PHACTR2: variants seen among roughly 807,000 people sequenced by gnomAD.
PHACTR2 encodes phosphatase and actin regulator 2.
In PHACTR2, 30 loss-of-function variants were observed where a neutral mutation model predicts 76.0. The ratio of observed to expected loss-of-function variants is 0.39; its 90% CI spans 0.30 to 0.54. The LOEUF is 0.54. PHACTR2 is among the 20% of genes least tolerant of loss of function. PHACTR2 has a pLI of 0.61. For synonymous variants in PHACTR2, 292 were observed against 292.5 expected (o/e 1.00, Z 0.02); for missense variants, 696 against 781.1 (o/e 0.89, Z 1.30).
chr6:143,807,967 G>A lies in PHACTR2; in HGVS notation c.1922+834G>A, dbSNP rs562536975. ...AACAGCAAACTTCCCTGAAATTGAT[G>A]GGGGAGGAGTGAGGTTTGTTATCAT... On this transcript the variant is annotated intron_variant, in intron 12 of 12. Coordinates refer to ENST00000440869, the MANE Select transcript of PHACTR2 (RefSeq NM_001100164.2). This position sits in a 1 kb window ranked among gnomAD's most constrained non-coding sequence, Gnocchi z 5.5. Among the ~76,000 whole-genome samples the A allele has an allele frequency of 1.3e-5, 2 of 152,178 alleles. No individual in the cohort carries two copies. The highest frequency in any genetic ancestry group is 2.1e-4 in the South Asian group (1 of 4,822).
At chr6:143,559,690 C>CTTTTTTT (rs5880566) in intron 1 of PHACTR2, among the ~76,000 whole-genome samples, 4 of 31,906 alleles carry the variant, frequency 1.3e-4, no homozygotes, top group African/African-American at 2.5e-4. Context: ...TTTTTCTTTT[C>CTTTTTTT]TTTTTTTTTT....
chr6:143,672,285 TAC>T lies in PHACTR2; in HGVS notation c.14-39729_14-39728del, dbSNP rs35364435. On this transcript the variant is annotated intron_variant, in intron 1 of 11. Coordinates refer to the PHACTR2 transcript ENST00000305766. The surrounding 1 kb of genome is among the most constrained non-coding windows in gnomAD (Gnocchi z 5.8). ...GGGCAATATAGTGAGACCCTATCTCTACAAAAAAAAAAAAAATTACAAATAAT... is the reference window on the plus strand; with the variant it reads ...GGGCAATATAGTGAGACCCTATCTCTAAAAAAAAAAAAAATTACAAATAAT... Among the ~76,000 whole-genome samples the T allele has an allele frequency of 0.027, 3,920 of 145,340 alleles. 163 individuals are homozygous for T. The highest frequency in any genetic ancestry group is 0.096 in the African/African-American group (3,656 of 38,248).
Position 143,782,925 on chromosome 6 carries a change from GT to G in PHACTR2, c.1646-287del, listed in dbSNP as rs958480619. 5.3e-5 allele frequency among the ~76,000 whole-genome samples: 8 copies of G among 151,360 alleles called. No individual in the cohort carries two copies. Among genetic ancestry groups the G allele is most frequent in the African/African-American group, 1.9e-4 (8 of 41,122 alleles). On this transcript the variant is annotated intron_variant, in intron 9 of 12. Coordinates refer to ENST00000440869, the MANE Select transcript of PHACTR2 (RefSeq NM_001100164.2). The surrounding 1 kb of genome is among the most constrained non-coding windows in gnomAD (Gnocchi z 4.6). ...TCATTAGAATATGGGCACTCCTGTGGTTTTTTTAAGAATACAACAAGACATC... is the reference window on the plus strand; with the variant it reads ...TCATTAGAATATGGGCACTCCTGTGGTTTTTTAAGAATACAACAAGACATC...
At chr6:143,786,781 C>G (rs377067579) in intron 10 of PHACTR2, among the ~76,000 whole-genome samples, 16 of 152,262 alleles carry the variant, frequency 1.1e-4, no homozygotes, top group Non-Finnish European at 1.8e-4. Flanking sequence ...TTCACTATCA[C>G]GAGAATAGCA....
chr6:143,584,980 TA>T (rs34747367), intron 1 of PHACTR2, among the ~76,000 whole-genome samples: 49,428 of 138,362 alleles, frequency 0.36, 8,485 homozygotes, highest in South Asian at 0.53. Context: ...CTACCCAGAT[TA>T]AAAAAAAAAA....
At chr6:143,637,526 A>C (rs900004461) in intron 1 of PHACTR2, among the ~76,000 whole-genome samples, 5 of 152,260 alleles carry the variant, frequency 3.3e-5, no homozygotes, top group Non-Finnish European at 7.3e-5. Context: ...TCACAAATTT[A>C]GCAGCTTAAC....
In PHACTR2 at chr6:143,625,082, G is replaced by A. The variant is rs143651440; in HGVS notation, c.13+16760G>A. On this transcript the variant is annotated intron_variant, in intron 1 of 11. Transcript: ENST00000305766. This position sits in a 1 kb window ranked among gnomAD's most constrained non-coding sequence, Gnocchi z 4.3. ...GAGGCAGGAGAATTGCTTGAACCCG[G>A]GAGATGGAGGTTGCAGTAAGCCAAG... Among the ~76,000 whole-genome samples the A allele has an allele frequency of 6.9e-4, 105 of 152,038 alleles. No homozygotes were observed. The Middle Eastern group carries it at 0.017, about 25-fold the overall frequency.
chr6:143,683,949 T>C lies in PHACTR2; in HGVS notation c.46+5740T>C, dbSNP rs1777456495. On this transcript the variant is annotated intron_variant, in intron 1 of 12. Coordinates refer to ENST00000440869, the MANE Select transcript of PHACTR2 (RefSeq NM_001100164.2). The surrounding 1 kb of genome is among the most constrained non-coding windows in gnomAD (Gnocchi z 4.1). ...ATACTATACTTACTGCTCTATACTTTGAATTTTTCGTGTAATATAACTTGA... is the reference window on the plus strand; with the variant it reads ...ATACTATACTTACTGCTCTATACTTCGAATTTTTCGTGTAATATAACTTGA... 6.6e-6 allele frequency among the ~76,000 whole-genome samples: 1 copy of C among 152,254 alleles called. No individual in the cohort carries two copies. The highest frequency in any genetic ancestry group is 6.5e-5 in the Admixed American group (1 of 15,288).
intron 11 of PHACTR2, among the ~76,000 whole-genome samples, chr6:143,799,895 G>A (rs1213149099): frequency 6.6e-6 from 1 of 152,134 alleles, no homozygotes; most frequent in Non-Finnish European, 1.5e-5. Flanking sequence ...TGTCTATTAG[G>A]TCCACTTGGT....
Position 143,697,970 on chromosome 6 carries a change from TAAC to T in PHACTR2, c.47-14037_47-14035del, listed in dbSNP as rs201918304. On this transcript the variant is annotated intron_variant, in intron 1 of 12. Transcript: ENST00000440869. The surrounding 1 kb of genome is among the most constrained non-coding windows in gnomAD (Gnocchi z 4.4). The stretch of plus-strand genomic sequence containing the variant: ...TCTTTTTTTTAACCTACTCACTTAA[TAAC>T]AACAACAATTAAAAATCATTTTTAT... 8.5e-3 allele frequency among the ~76,000 whole-genome samples: 1,297 copies of T among 152,298 alleles called. 20 individuals carry two copies. The highest frequency in any genetic ancestry group is 0.029 in the African/African-American group (1,212 of 41,536).
chr6:143,551,460 T>C (rs9496665), intron 1 of PHACTR2, among the ~76,000 whole-genome samples: 3,241 of 152,312 alleles, frequency 0.021, 123 homozygotes, highest in African/African-American at 0.074. Flanking sequence ...AGTTTTACAA[T>C]TGTGAAGCAT....
In PHACTR2 at chr6:143,776,051, C is replaced by T. The variant is rs761674745; in HGVS notation, c.1590-1277C>T. Among the ~76,000 whole-genome samples, 1 of 152,012 alleles carries T rather than the reference C, an allele frequency of 6.6e-6. No individual in the cohort carries two copies. Among genetic ancestry groups the T allele is most frequent in the Non-Finnish European group, 1.5e-5 (1 of 68,000 alleles). ...GAGGCTGAGGCAGTAATTTTGGAGG[C>T]AGAGGTTGCAGTGAGCCGAGATTGT... On this transcript the variant is annotated intron_variant, in intron 8 of 12. Coordinates refer to ENST00000440869, the MANE Select transcript of PHACTR2 (RefSeq NM_001100164.2). This position sits in a 1 kb window ranked among gnomAD's most constrained non-coding sequence, Gnocchi z 5.3.
rs543912353 is a variant in PHACTR2, at chr6:143,731,205, C to A, written c.215-17780C>A. On this transcript the variant is annotated intron_variant, in intron 2 of 12. Coordinates refer to ENST00000440869, the MANE Select transcript of PHACTR2 (RefSeq NM_001100164.2). The surrounding 1 kb of genome is among the most constrained non-coding windows in gnomAD (Gnocchi z 4.9). ...CATTTCAGTTTTTTTCTTTAGACCA[C>A]TATTATGGTTGATTACATTGGCAGA... Among the ~76,000 whole-genome samples, 1 of 152,156 alleles carries A rather than the reference C, an allele frequency of 6.6e-6. No individual in the cohort carries two copies. Among genetic ancestry groups the A allele is most frequent in the South Asian group, 2.1e-4 (1 of 4,834 alleles).
intron 1 of PHACTR2, among the ~76,000 whole-genome samples, chr6:143,694,969 G>A (rs1777738202): frequency 6.6e-6 from 1 of 152,110 alleles, no homozygotes; most frequent in East Asian, 1.9e-4. Flanking sequence ...ACCTCCTCTA[G>A]GTTCAAAATT....
intron 12 of PHACTR2, among the ~76,000 whole-genome samples, chr6:143,812,661 T>C (rs961499637): frequency 1.3e-5 from 2 of 152,366 alleles, no homozygotes; most frequent in Non-Finnish European, 2.9e-5. Context: ...AGTCATCCCG[T>C]GGCCCTATAG....
chr6:143,768,942 A>G (rs1235688379), intron 6 of PHACTR2, among the ~76,000 whole-genome samples: 2 of 152,192 alleles, frequency 1.3e-5, no homozygotes, highest in African/African-American at 4.8e-5. Flanking sequence ...TAGTCTCTCA[A>G]ATTTCCTTCC....
rs551219658 is a variant in PHACTR2 at position 143,625,722 on chromosome 6, G to T, written c.13+17400G>T. Among the ~76,000 whole-genome samples the T allele has an allele frequency of 6.6e-6, 1 of 152,294 alleles. No individual in the cohort carries two copies. Among genetic ancestry groups the T allele is most frequent in the South Asian group, 2.1e-4 (1 of 4,824 alleles). ...GCAAATATGAATTGAGTGCCTACTGGGTCAGGCACTCTTCCGGGTGCAGTG... is the reference window on the plus strand; with the variant it reads ...GCAAATATGAATTGAGTGCCTACTGTGTCAGGCACTCTTCCGGGTGCAGTG... On this transcript the variant is annotated intron_variant, in intron 1 of 11. Transcript: ENST00000305766. This position sits in a 1 kb window ranked among gnomAD's most constrained non-coding sequence, Gnocchi z 4.3.
At chr6:143,813,675 C>G (rs1776232900) in intron 12 of PHACTR2, among the ~76,000 whole-genome samples, 1 of 146,776 alleles carries the variant, frequency 6.8e-6, no homozygotes, top group African/African-American at 2.5e-5. Context: ...TAGGAAATAA[C>G]TTCAAAAATT....
chr6:143,707,886 G>A (rs1304694137), intron 1 of PHACTR2, among the ~76,000 whole-genome samples: 2 of 152,158 alleles, frequency 1.3e-5, no homozygotes, highest in Non-Finnish European at 2.9e-5. Flanking sequence ...GGGGAAGCAA[G>A]CTTGTCTTAT....
Sources: gnomAD v4.1 joint callset for allele counts (sites outside exome capture counted in the v4.1 genomes callset) on GRCh38, gnomAD v4.1.1 for gene constraint, Gnocchi (gnomAD v3.1) non-coding constraint, MANE v1.5 for transcripts, NCBI Gene and HGNC (gene_info 2026-07-23, HGNC 2026-07-21) for gene names.